Variants in ONECUT2 observed in about 807,000 individuals in gnomAD.
ONECUT2 encodes one cut domain family member 2.
In ONECUT2, 10 loss-of-function variants were observed where a neutral mutation model predicts 27.9. That is an observed-to-expected ratio of 0.36 (90% CI 0.22 to 0.61). The LOEUF is 0.61. Ranked by LOEUF, ONECUT2 falls within the 20% of genes least tolerant of loss-of-function variation. The pLI, the probability that ONECUT2 is intolerant of heterozygous loss-of-function variation, is 0.73. For missense variants in ONECUT2, 686 were observed against 721.0 expected (o/e 0.95, Z 0.56); for synonymous variants, 334 against 315.1 (o/e 1.06, Z -0.64).
chr18:57,474,186 G>A (rs2050369177), intron 1 of ONECUT2, among the ~76,000 whole-genome samples: 1 of 152,188 alleles, frequency 6.6e-6, no homozygotes, highest in African/African-American at 2.4e-5. Context: ...CCATTCAGGG[G>A]CTCTCCTCTT....
At chr18:57,473,416 C>T (rs2050364847) in intron 1 of ONECUT2, among the ~76,000 whole-genome samples, 1 of 152,124 alleles carries the variant, frequency 6.6e-6, no homozygotes, top group Non-Finnish European at 1.5e-5. Context: ...TGAAGAGGTA[C>T]CTGTTATCTC....
chr18:57,435,669 G>T lies in ONECUT2; in HGVS notation c.-48G>T, dbSNP rs1309456748. On this transcript the variant is annotated 5_prime_UTR_variant, in exon 1 of 2. Transcript: ENST00000491143. ...CCCGCCACGCGCGCCTTGCCCGCCC[G>T]CCGGCCGCCCCCGCCGCCCCCGCCG... 6.6e-6 allele frequency: 4 copies of T among 605,650 alleles called. No homozygotes were observed. Among genetic ancestry groups the T allele is most frequent in the Non-Finnish European group, 8.4e-6 (4 of 474,356 alleles). The allele number at this position is 605,650 out of a possible 1,614,324, so 37.5% of individuals were successfully genotyped here.
rs981166395 is a variant in ONECUT2, at chr18:57,476,733, T to C, written c.*10T>C. ...GTGTACCAAAGCATGATGGAAGGAC[T>C]CTCACTTGGGCACAAGTCACCTCCA... On this transcript the variant is annotated 3_prime_UTR_variant, in exon 2 of 2. Transcript: ENST00000491143. The C allele has an allele frequency of 3.1e-6, 5 of 1,612,824 alleles. No individual in the cohort carries two copies. The African/African-American group carries it at 6.7e-5, about 22-fold the overall frequency.
Position 57,481,440 on chromosome 18 carries a change from C to T in ONECUT2, c.*4717C>T, listed in dbSNP as rs1568126734. 1 of 152,218 alleles carries T rather than the reference C, an allele frequency of 6.6e-6. No homozygotes were observed. Among genetic ancestry groups the T allele is most frequent in the Non-Finnish European group, 1.5e-5 (1 of 68,030 alleles). 9.4% of individuals were successfully genotyped at this position (152,218 alleles called of 1,614,324 possible). ...ACATTTGGAATGTAAATCTGATACACACACACTTTTCTAAGTCAAACAACA... is the reference window on the plus strand; with the variant it reads ...ACATTTGGAATGTAAATCTGATACATACACACTTTTCTAAGTCAAACAACA... On this transcript the variant is annotated 3_prime_UTR_variant, in exon 2 of 2. Transcript: ENST00000491143.
chr18:57,464,812 A>G (rs1391445230), intron 1 of ONECUT2, among the ~76,000 whole-genome samples: 2 of 152,238 alleles, frequency 1.3e-5, no homozygotes, highest in African/African-American at 4.8e-5. Flanking sequence ...ATTCGTAGCC[A>G]CATAGGGCTG....
In ONECUT2 at chr18:57,477,835, C is replaced by T. The variant is rs904921178; in HGVS notation, c.*1112C>T. Reference sequence around the variant, plus strand: ...TGATTTGGGGTTTTTCCTCATCCATCCCATTAGTAGGGATGTTTTCTGTGT... The same window carrying T: ...TGATTTGGGGTTTTTCCTCATCCATTCCATTAGTAGGGATGTTTTCTGTGT... On this transcript the variant is annotated 3_prime_UTR_variant, in exon 2 of 2. Transcript: ENST00000491143. 1 of 152,490 alleles carries T rather than the reference C, an allele frequency of 6.6e-6. No homozygotes were observed. The allele number at this position is 152,490 out of a possible 1,614,324, so 9.4% of individuals were successfully genotyped here. A position where few individuals can be genotyped will look rare whatever the true frequency, so the allele number is the denominator to read the frequency against.
chr18:57,483,993 A>C lies in ONECUT2; in HGVS notation c.*7270A>C, dbSNP rs573751666. On this transcript the variant is annotated 3_prime_UTR_variant, in exon 2 of 2. Coordinates refer to ENST00000491143, the MANE Select transcript of ONECUT2 (RefSeq NM_004852.3). ...CAAATTTTGTGGACAAGCAATGACT[A>C]TTCAGCCTGAACCTGTGCATTCAGA... 54 of 152,756 alleles carry C rather than the reference A, an allele frequency of 3.5e-4. No homozygotes were observed. Among genetic ancestry groups the C allele is most frequent in the African/African-American group, 1.2e-3 (50 of 41,588 alleles). 9.5% of individuals were successfully genotyped at this position (152,756 alleles called of 1,614,324 possible).
At chr18:57,438,140 A>G (rs1437092878) in intron 1 of ONECUT2, among the ~76,000 whole-genome samples, 1 of 152,250 alleles carries the variant, frequency 6.6e-6, no homozygotes, top group Non-Finnish European at 1.5e-5. Context: ...TGCGACTGGC[A>G]CGCAGTTGCG....
At chr18:57,469,195 C>T (rs78069647) in intron 1 of ONECUT2, among the ~76,000 whole-genome samples, 3,228 of 152,226 alleles carry the variant, frequency 0.021, 119 homozygotes, top group African/African-American at 0.073. Flanking sequence ...GAAAGGGTCA[C>T]GCTCCCCACT....
Position 57,484,633 on chromosome 18 carries a change from G to A in ONECUT2, c.*7910G>A, listed in dbSNP as rs519596. The A allele has an allele frequency of 0.39, 58,752 of 152,062 alleles. 11,834 individuals are homozygous for A. The highest frequency in any genetic ancestry group is 0.48 in the East Asian group (2,502 of 5,168). The allele number at this position is 152,062 out of a possible 1,614,324, so 9.4% of individuals were successfully genotyped here. ...ATGGCCTCTATCCCCGCTGGGACCT[G>A]TCACAGTAAAGACTGCCAATTACTG... On this transcript the variant is annotated 3_prime_UTR_variant, in exon 2 of 2. Transcript: ENST00000491143.
chr18:57,452,406 A>G (rs577346700), intron 1 of ONECUT2, among the ~76,000 whole-genome samples: 68 of 145,144 alleles, frequency 4.7e-4, no homozygotes, highest in African/African-American at 1.8e-3. Flanking sequence ...TTGTAGCTCA[A>G]CCTGTATTTT....
In ONECUT2 at chr18:57,476,816, G is replaced by A; in HGVS notation, c.*93G>A. On this transcript the variant is annotated 3_prime_UTR_variant, in exon 2 of 2. Transcript: ENST00000491143. ...GGAAAAAGACACCGGATTCCTAGCTGGGGCCCTTCACTGGTGATTTGAAAG... is the reference window on the plus strand; with the variant it reads ...GGAAAAAGACACCGGATTCCTAGCTAGGGCCCTTCACTGGTGATTTGAAAG... 2 of 1,378,576 alleles carry A rather than the reference G, an allele frequency of 1.5e-6. No homozygotes were observed. The highest frequency in any genetic ancestry group is 2.0e-6 in the Non-Finnish European group (2 of 1,020,662). The allele number at this position is 1,378,576 out of a possible 1,614,324, so 85.4% of individuals were successfully genotyped here.
rs2050419669 is a variant in ONECUT2, at chr18:57,482,220, ATTTG to A, written c.*5505_*5508del. 2 of 152,202 alleles carry A rather than the reference ATTTG, an allele frequency of 1.3e-5. No homozygotes were observed. Among genetic ancestry groups the A allele is most frequent in the South Asian group, 4.1e-4 (2 of 4,826 alleles). The allele number at this position is 152,202 out of a possible 1,614,324, so 9.4% of individuals were successfully genotyped here. A position where few individuals can be genotyped will look rare whatever the true frequency, so the allele number is the denominator to read the frequency against. On this transcript the variant is annotated 3_prime_UTR_variant, in exon 2 of 2. Coordinates refer to ENST00000491143, the MANE Select transcript of ONECUT2 (RefSeq NM_004852.3). ...TCTCAATGCCTGTTTTCTATCAATG[ATTTG>A]TTTGTTTCCAAGGTCGGGGAGGGAA...
rs1479251996 is a variant in ONECUT2 at position 57,456,161 on chromosome 18, G to A, written c.1228+19217G>A. Among the ~76,000 whole-genome samples the A allele has an allele frequency of 4.6e-5, 7 of 152,340 alleles. No homozygotes were observed. In the South Asian group the frequency reaches 6.2e-4, roughly 14 times the overall value. ...GGGACTGTAAGATGGTGTAGCCACT[G>A]TGGAAATAGTATGGCAGTTCCTCAG... On this transcript the variant is annotated intron_variant, in intron 1 of 1. Transcript: ENST00000491143.
Position 57,478,315 on chromosome 18 carries a change from G to T in ONECUT2, c.*1592G>T, listed in dbSNP as rs504442. 0.11 allele frequency: 16,085 copies of T among 152,632 alleles called. 974 individuals carry two copies. The highest frequency in any genetic ancestry group is 0.22 in the Middle Eastern group (65 of 294). 9.5% of individuals were successfully genotyped at this position (152,632 alleles called of 1,614,324 possible). A position where few individuals can be genotyped will look rare whatever the true frequency, so the allele number is the denominator to read the frequency against. On this transcript the variant is annotated 3_prime_UTR_variant, in exon 2 of 2. Coordinates refer to ENST00000491143, the MANE Select transcript of ONECUT2 (RefSeq NM_004852.3). ...TGGCCCCGGGTGGGGCCACGTGGGG[G>T]TGTTCAAAGCAAGCCAAACGCTGCA...
In ONECUT2 at chr18:57,479,818, G is replaced by A. The variant is rs2050406543; in HGVS notation, c.*3095G>A. The A allele has an allele frequency of 2.6e-5, 4 of 152,204 alleles. No homozygotes were observed. Among genetic ancestry groups the A allele is most frequent in the Admixed American group, 2.6e-4 (4 of 15,284 alleles). The allele number at this position is 152,204 out of a possible 1,614,324, so 9.4% of individuals were successfully genotyped here. A position where few individuals can be genotyped will look rare whatever the true frequency, so the allele number is the denominator to read the frequency against. On this transcript the variant is annotated 3_prime_UTR_variant, in exon 2 of 2. Transcript: ENST00000491143. ...CAGCCCAGAAATCTGTTCTCCAGGA[G>A]CTGCCCTGTCCCATCTGGGTGTGCC...
In ONECUT2 at chr18:57,479,714, C is replaced by A. The variant is rs909686168; in HGVS notation, c.*2991C>A. 4 of 152,518 alleles carry A rather than the reference C, an allele frequency of 2.6e-5. No homozygotes were observed. Among genetic ancestry groups the A allele is most frequent in the Non-Finnish European group, 5.9e-5 (4 of 68,038 alleles). The allele number at this position is 152,518 out of a possible 1,614,324, so 9.4% of individuals were successfully genotyped here. A position where few individuals can be genotyped will look rare whatever the true frequency, so the allele number is the denominator to read the frequency against. On this transcript the variant is annotated 3_prime_UTR_variant, in exon 2 of 2. Coordinates refer to ENST00000491143, the MANE Select transcript of ONECUT2 (RefSeq NM_004852.3). ...CAACAGACTCGGCCCAGAACTGGGT[C>A]CTGACAGTGGGGTGCTCATCTTCTG... is the stretch of plus-strand genomic sequence containing the variant.
intron 1 of ONECUT2, among the ~76,000 whole-genome samples, chr18:57,470,114 G>A (rs1309060188): frequency 6.6e-6 from 1 of 152,192 alleles, no homozygotes; most frequent in African/African-American, 2.4e-5. Flanking sequence ...TGTTGGCTGG[G>A]TGTGTCTGCT....
At chr18:57,475,058 T>TTTTTTC (rs1417858749) in intron 1 of ONECUT2, among the ~76,000 whole-genome samples, 2 of 147,344 alleles carry the variant, frequency 1.4e-5, no homozygotes, top group African/African-American at 5.0e-5. Flanking sequence ...TTCAAGTGAT[T>TTTTTTC]TTTTTTTTTT....
Sources: gnomAD v4.1 joint callset for allele counts (sites outside exome capture counted in the v4.1 genomes callset) on GRCh38, gnomAD v4.1.1 for gene constraint, MANE v1.5 for transcripts, NCBI Gene and HGNC (gene_info 2026-07-23, HGNC 2026-07-21) for gene names.